Variants in ZHX3 observed in about 807,000 individuals in gnomAD.
ZHX3 encodes zinc fingers and homeoboxes protein 3.
In ZHX3, 20 loss-of-function variants were observed where a neutral mutation model predicts 64.5. That is an observed-to-expected ratio of 0.31 (90% CI 0.22 to 0.45). The LOEUF (loss-of-function observed/expected upper bound fraction) is 0.45. ZHX3 is among the 20% of genes least tolerant of loss of function. The pLI is 1.00. For synonymous variants in ZHX3, 423 were observed against 461.6 expected (o/e 0.92, Z 1.07); for missense variants, 1,041 against 1,195.8 (o/e 0.87, Z 1.91).
intron 1 of ZHX3, among the ~76,000 whole-genome samples, chr20:41,310,440 C>T (rs2045097388): frequency 6.6e-6 from 1 of 152,126 alleles, no homozygotes; most frequent in Non-Finnish European, 1.5e-5. Context: ...ATAAGGCATC[C>T]CACCAGAAAA....
At chr20:41,301,449 A>G (rs2044800381) in intron 1 of ZHX3, among the ~76,000 whole-genome samples, 2 of 152,116 alleles carry the variant, frequency 1.3e-5, no homozygotes, top group South Asian at 4.1e-4. Context: ...GCGCTCCAGT[A>G]TCTTCTCATA....
chr20:41,219,546 A>G lies in ZHX3; in HGVS notation c.-150-14480T>C, dbSNP rs2039796067. Among the ~76,000 whole-genome samples the G allele has an allele frequency of 6.6e-6, 1 of 152,252 alleles. No homozygotes were observed. Among genetic ancestry groups the G allele is most frequent in the South Asian group, 2.1e-4 (1 of 4,832 alleles). Reference sequence around the variant, plus strand: ...AAATGGTTCCTTGTAGTAAGCACCAAAAACAACAAAACCTTCCTATAAGTT... The same window carrying G: ...AAATGGTTCCTTGTAGTAAGCACCAGAAACAACAAAACCTTCCTATAAGTT... On this transcript the variant is annotated intron_variant, in intron 2 of 3. Coordinates refer to ENST00000683867, the MANE Select transcript of ZHX3 (RefSeq NM_001384317.1). The surrounding 1 kb of genome is among the most constrained non-coding windows in gnomAD (Gnocchi z 5.0).
intron 3 of ZHX3, among the ~76,000 whole-genome samples, chr20:41,199,233 T>C (rs1205198343): frequency 6.6e-6 from 1 of 152,228 alleles, no homozygotes; most frequent in Non-Finnish European, 1.5e-5. Flanking sequence ...ATGTCTGGAC[T>C]TCCTCAAGGA....
At chr20:41,261,352 C>G (rs112037511) in intron 2 of ZHX3, among the ~76,000 whole-genome samples, 2,894 of 152,212 alleles carry the variant, frequency 0.019, 98 homozygotes, top group African/African-American at 0.065. Context: ...TGTAAACAAA[C>G]AAAAATGATG....
chr20:41,292,213 T>C (rs1302712441), intron 1 of ZHX3, among the ~76,000 whole-genome samples: 1 of 152,064 alleles, frequency 6.6e-6, no homozygotes, highest in Non-Finnish European at 1.5e-5. Context: ...TTGAATTTAA[T>C]GTCTAGTTAC....
chr20:41,211,057 A>T (rs1007567135), intron 2 of ZHX3, among the ~76,000 whole-genome samples: 3 of 152,148 alleles, frequency 2.0e-5, no homozygotes, highest in African/African-American at 7.2e-5. Flanking sequence ...CTAAGGCAGA[A>T]AACTAACCTG....
chr20:41,242,055 G>A (rs943685259), intron 2 of ZHX3, among the ~76,000 whole-genome samples: 2 of 151,942 alleles, frequency 1.3e-5, no homozygotes, highest in African/African-American at 4.8e-5. Flanking sequence ...AGTGCTACTA[G>A]ATGCTCAGCT....
chr20:41,250,717 T>C (rs1221764021), intron 2 of ZHX3, among the ~76,000 whole-genome samples: 1 of 152,146 alleles, frequency 6.6e-6, no homozygotes, highest in East Asian at 1.9e-4. Flanking sequence ...TAGGATAAAC[T>C]CAAAGAAATC....
chr20:41,241,785 A>G (rs559947620), intron 2 of ZHX3, among the ~76,000 whole-genome samples: 1 of 152,180 alleles, frequency 6.6e-6, no homozygotes, highest in Non-Finnish European at 1.5e-5. Context: ...TCTGTGAAGA[A>G]TGTCATTCAT....
intron 1 of ZHX3, among the ~76,000 whole-genome samples, chr20:41,280,574 T>G (rs1305740205): frequency 6.6e-6 from 1 of 152,032 alleles, no homozygotes; most frequent in Non-Finnish European, 1.5e-5. Context: ...TGTTTTTCTG[T>G]TTTTTTGTTT....
At chr20:41,304,244 A>T (rs1231015514) in intron 1 of ZHX3, among the ~76,000 whole-genome samples, 1 of 151,982 alleles carries the variant, frequency 6.6e-6, no homozygotes, top group African/African-American at 2.4e-5. Flanking sequence ...TACATACTAT[A>T]CTTTCTGTTT....
In ZHX3 at chr20:41,181,610, T is replaced by A. The variant is rs1055223919; in HGVS notation, c.*3581A>T. 6.6e-6 allele frequency: 1 copy of A among 152,116 alleles called. No homozygotes were observed. Among genetic ancestry groups the A allele is most frequent in the Admixed American group, 6.6e-5 (1 of 15,264 alleles). The allele number at this position is 152,116 out of a possible 1,614,324, so 9.4% of individuals were successfully genotyped here. The stretch of plus-strand genomic sequence containing the variant: ...ATCCAACCAGAAAGGCCAGTGTCCT[T>A]CCTCCATGAAAGGCAGCCAGGGACA... On this transcript the variant is annotated 3_prime_UTR_variant, in exon 4 of 4. Transcript: ENST00000683867.
chr20:41,250,559 T>C (rs1568895837), intron 2 of ZHX3, among the ~76,000 whole-genome samples: 2 of 151,718 alleles, frequency 1.3e-5, no homozygotes, highest in Non-Finnish European at 1.5e-5. Flanking sequence ...TATGAAACAA[T>C]AGCAAAAGAT....
intron 2 of ZHX3, among the ~76,000 whole-genome samples, chr20:41,211,127 A>C (rs1198202702): frequency 6.6e-6 from 1 of 152,172 alleles, no homozygotes; most frequent in Non-Finnish European, 1.5e-5. Flanking sequence ...ATAACTCAAA[A>C]AGAAATAATA....
At chr20:41,235,211 A>C (rs1482605023) in intron 2 of ZHX3, among the ~76,000 whole-genome samples, 1 of 152,194 alleles carries the variant, frequency 6.6e-6, no homozygotes, top group African/African-American at 2.4e-5. Context: ...CAAAACAAAC[A>C]AACAAAAAAA....
At chr20:41,207,864 T>C (rs1421922364) in intron 2 of ZHX3, among the ~76,000 whole-genome samples, 1 of 147,052 alleles carries the variant, frequency 6.8e-6, no homozygotes, top group East Asian at 2.0e-4. Context: ...CTGAAGGAGA[T>C]AGAGACACAA....
rs116432083 is a variant in ZHX3, at chr20:41,293,473, T to C, written c.-245+24036A>G. ...GTAACACTAAACTAGAAGGAAACAATTGCAAAAGCACCTCTTGGAAGAGAC... is the reference window on the plus strand; with the variant it reads ...GTAACACTAAACTAGAAGGAAACAACTGCAAAAGCACCTCTTGGAAGAGAC... On this transcript the variant is annotated intron_variant, in intron 1 of 3. Transcript: ENST00000683867. 1.8e-3 allele frequency among the ~76,000 whole-genome samples: 272 copies of C among 152,130 alleles called. 2 individuals carry two copies. Among genetic ancestry groups the C allele is most frequent in the African/African-American group, 6.2e-3 (258 of 41,508 alleles).
rs896682136 is a variant in ZHX3, at chr20:41,195,127, GTTTT to G, written c.2860+6926_2860+6929del. On this transcript the variant is annotated intron_variant, in intron 3 of 3. Coordinates refer to ENST00000683867, the MANE Select transcript of ZHX3 (RefSeq NM_001384317.1). The surrounding 1 kb of genome is among the most constrained non-coding windows in gnomAD (Gnocchi z 4.2). ...TTACTGATTTGAGATCTTAAAAAAAGTTTTTTTAAGACATGGGGTCTTACGCTGT... is the reference window on the plus strand; with the variant it reads ...TTACTGATTTGAGATCTTAAAAAAAGTTTAAGACATGGGGTCTTACGCTGT... 2.6e-5 allele frequency among the ~76,000 whole-genome samples: 4 copies of G among 152,084 alleles called. No homozygotes were observed. Among genetic ancestry groups the G allele is most frequent in the African/African-American group, 7.2e-5 (3 of 41,512 alleles).
At chr20:41,304,630 G>A (rs932215096) in intron 1 of ZHX3, among the ~76,000 whole-genome samples, 4 of 152,184 alleles carry the variant, frequency 2.6e-5, no homozygotes, top group African/African-American at 9.7e-5. Context: ...CACACACTAA[G>A]ATTTATTTTA....
Sources: gnomAD v4.1 joint callset for allele counts (sites outside exome capture counted in the v4.1 genomes callset) on GRCh38, gnomAD v4.1.1 for gene constraint, Gnocchi (gnomAD v3.1) non-coding constraint, MANE v1.5 for transcripts, NCBI Gene and HGNC (gene_info 2026-07-23, HGNC 2026-07-21) for gene names.